NDUFAF6: variants seen among roughly 807,000 people sequenced by gnomAD.
NDUFAF6 encodes the protein NADH:ubiquinone oxidoreductase complex assembly factor 6.
A neutral mutation model predicts 40.8 loss-of-function variants in NDUFAF6; 45 were observed. The ratio of observed to expected loss-of-function variants is 1.10; its 90% CI spans 0.87 to 1.42. The LOEUF (loss-of-function observed/expected upper bound fraction) is 1.42, where lower values mean the gene tolerates loss of function less well. Ranked by LOEUF, NDUFAF6 falls within the 40% of genes most tolerant of loss-of-function variation. The pLI, the probability that NDUFAF6 is intolerant of heterozygous loss-of-function variation, is 0.00. For missense variants in NDUFAF6, 435 were observed against 418.5 expected (o/e 1.04, Z -0.34); for synonymous variants, 185 against 155.9 (o/e 1.19, Z -1.39).
intron 1 of NDUFAF6, among the ~76,000 whole-genome samples, chr8:94,906,785 T>G (rs1199735624): frequency 1.3e-5 from 2 of 152,254 alleles, no homozygotes; most frequent in African/African-American, 2.4e-5. Flanking sequence ...CATGTGCAAC[T>G]GAGAGGATCA....
At chr8:95,013,202 A>G (rs1032608655) in intron 2 of NDUFAF6, among the ~76,000 whole-genome samples, 5 of 151,984 alleles carry the variant, frequency 3.3e-5, no homozygotes, top group Admixed American at 1.3e-4. Flanking sequence ...CCTGGGCTCA[A>G]TCCCCCCCAT....
intron 1 of NDUFAF6, among the ~76,000 whole-genome samples, chr8:94,921,870 C>A (rs1316876732): frequency 2.6e-5 from 4 of 152,186 alleles, no homozygotes; most frequent in African/African-American, 9.6e-5. Context: ...GGGCAATGGT[C>A]TCAAAGTGTA....
chr8:94,907,596 A>G (rs1035129907), intron 1 of NDUFAF6, among the ~76,000 whole-genome samples: 1 of 152,188 alleles, frequency 6.6e-6, no homozygotes, highest in African/African-American at 2.4e-5. Flanking sequence ...AAAAGCTGCT[A>G]CTTGTCCAAG....
chr8:94,942,619 G>C (rs1034557445), intron 1 of NDUFAF6, among the ~76,000 whole-genome samples: 4 of 152,230 alleles, frequency 2.6e-5, no homozygotes, highest in African/African-American at 9.6e-5. Flanking sequence ...TATGCATCAG[G>C]TGCAGTGCTG....
chr8:95,047,548 C>T, intron 6 of NDUFAF6, among the ~76,000 whole-genome samples: 1 of 130,004 alleles, frequency 7.7e-6, no homozygotes, highest in Admixed American at 8.9e-5. Flanking sequence ...CTTGCTCTGT[C>T]ACCCAGGCTG....
chr8:94,994,942 TA>T (rs1440765463), intron 2 of NDUFAF6, among the ~76,000 whole-genome samples: 1 of 152,060 alleles, frequency 6.6e-6, no homozygotes, highest in Non-Finnish European at 1.5e-5. Context: ...TCAAAAAAAT[TA>T]AAAAGTAGTA....
chr8:95,097,852 A>G (rs1809518155), upstream of NDUFAF6, among the ~76,000 whole-genome samples: 1 of 152,214 alleles, frequency 6.6e-6, no homozygotes, highest in Non-Finnish European at 1.5e-5. Flanking sequence ...TTAGGATCTG[A>G]TGACTGTCAG....
intron 2 of NDUFAF6, among the ~76,000 whole-genome samples, chr8:95,083,203 A>G (rs2132054306): frequency 6.6e-6 from 1 of 152,328 alleles, no homozygotes; most frequent in Non-Finnish European, 1.5e-5. Flanking sequence ...TTGATCCCTA[A>G]CAGCCAGCCT....
chr8:94,910,443 G>A (rs536924304), intron 1 of NDUFAF6, among the ~76,000 whole-genome samples: 22 of 152,316 alleles, frequency 1.4e-4, no homozygotes, highest in South Asian at 1.0e-3. Flanking sequence ...ATGAGCCACC[G>A]CGCCTGGCCT....
chr8:95,098,976 C>T (rs1012726974), upstream of NDUFAF6, among the ~76,000 whole-genome samples: 4 of 151,924 alleles, frequency 2.6e-5, no homozygotes, highest in Middle Eastern at 6.8e-3. Flanking sequence ...TGTGGTGGCT[C>T]ACGCCTGTAA....
At position 95,032,037 on chromosome 8, in the gene NDUFAF6, T is replaced by C. The variant is rs1004914998; in HGVS notation, c.240T>C (p.Pro80=). 1 of 1,614,242 alleles carries C rather than the reference T, an allele frequency of 6.2e-7. No individual in the cohort carries two copies. The highest frequency in any genetic ancestry group is 1.3e-5 in the African/African-American group (1 of 75,062). The change falls in exon 2 of 9, where the codon CCT becomes CCC. Residue 80 remains proline, a synonymous_variant. Transcript: ENST00000396124. The part of the protein sequence containing the change: ...YEGYLCSLLL[P]AESRSSVFAL... The stretch of plus-strand genomic sequence containing the variant: ...GTTATTTATGCTCCCTGCTGCTCCC[T>C]GCAGAATCCCGAAGCTCTGTTTTTG...
intron 2 of NDUFAF6, among the ~76,000 whole-genome samples, chr8:94,985,670 G>A (rs1411184477): frequency 6.8e-6 from 1 of 146,264 alleles, no homozygotes; most frequent in Non-Finnish European, 1.5e-5. Flanking sequence ...CGAGTAGGTG[G>A]GATTACAGGC....
In NDUFAF6 at chr8:95,017,379, CT is replaced by C. The variant is rs528904203; in HGVS notation, c.-83-14613del. ...GGAACAAGGGGATTAAGCAACCTGA[CT>C]TTCCTTTCCTTCATCTCTCCCTCCC... On this transcript the variant is annotated intron_variant, in intron 2 of 9. Coordinates refer to the NDUFAF6 transcript ENST00000396111. Among the ~76,000 whole-genome samples the C allele has an allele frequency of 2.7e-3, 413 of 152,240 alleles. 2 individuals are homozygous for C. The highest frequency in any genetic ancestry group is 0.014 in the Middle Eastern group (4 of 292).
At position 95,005,546 on chromosome 8, in the gene NDUFAF6, TATATATAA is replaced by T. The variant is rs1408933497; in HGVS notation, c.-84+24575_-84+24582del. 2.5e-3 allele frequency among the ~76,000 whole-genome samples: 345 copies of T among 135,502 alleles called. 15 individuals carry two copies. In the Middle Eastern group the frequency reaches 0.035, roughly 14 times the overall value. The allele number at this position is 135,502 out of a possible 152,430, so 88.9% of individuals were successfully genotyped here. A position where few individuals can be genotyped will look rare whatever the true frequency, so the allele number is the denominator to read the frequency against. On this transcript the variant is annotated intron_variant, in intron 2 of 9. Coordinates refer to the NDUFAF6 transcript ENST00000396111. ...TTTTAAATATATATATATATATATA[TATATATAA>T]AAAATATATTAACATAAATAATATA...
intron 8 of NDUFAF6, among the ~76,000 whole-genome samples, chr8:95,055,606 T>C (rs1832023985): frequency 6.6e-6 from 1 of 152,162 alleles, no homozygotes; most frequent in Admixed American, 6.5e-5. Context: ...CACAGTATAT[T>C]AAGGGATAAA....
chr8:95,113,271 C>T (rs1053413398), intron 4 of NDUFAF6, among the ~76,000 whole-genome samples: 9 of 152,154 alleles, frequency 5.9e-5, no homozygotes, highest in Admixed American at 5.2e-4. Flanking sequence ...TGTCATCAGT[C>T]TAGGGGCCTT....
intron 2 of NDUFAF6, among the ~76,000 whole-genome samples, chr8:94,982,181 G>C (rs572889282): frequency 3.5e-4 from 53 of 152,060 alleles, no homozygotes; most frequent in African/African-American, 1.2e-3. Context: ...GCAGTGAGCT[G>C]AGATCATGCC....
intron 1 of NDUFAF6, among the ~76,000 whole-genome samples, chr8:94,936,998 G>C (rs1821042320): frequency 6.6e-6 from 1 of 152,190 alleles, no homozygotes; most frequent in Admixed American, 6.5e-5. Flanking sequence ...ACTAGTGCTG[G>C]TAGCCCTGGG....
At chr8:94,917,729 CTAA>C (rs1819233062) in intron 1 of NDUFAF6, among the ~76,000 whole-genome samples, 1 of 152,198 alleles carries the variant, frequency 6.6e-6, no homozygotes, top group Non-Finnish European at 1.5e-5. Flanking sequence ...GAAGCTAAAA[CTAA>C]TGTTATCCTG....
Sources: allele counts gnomAD v4.1 joint callset (sites outside exome capture counted in the v4.1 genomes callset), GRCh38; gene constraint gnomAD v4.1.1; transcripts MANE v1.5; gene names NCBI Gene and HGNC (gene_info 2026-07-23, HGNC 2026-07-21).